The following TBC1D4 variants were observed in gnomAD, a reference collection of about 807,000 sequenced individuals.
The protein encoded by TBC1D4 is TBC (Tre-2, BUB2, CDC16) domain-containing protein.
In TBC1D4, 121 loss-of-function variants were observed where a neutral mutation model predicts 142.5. The ratio of observed to expected loss-of-function variants is 0.85; its 90% CI spans 0.73 to 0.99. TBC1D4 has a LOEUF of 0.99. Ranked by LOEUF, TBC1D4 falls within the 50% of genes least tolerant of loss-of-function variation. TBC1D4 has a pLI of 0.00. For synonymous variants in TBC1D4, 630 were observed against 628.2 expected (o/e 1.00, Z -0.04); for missense variants, 1,475 against 1,606.6 (o/e 0.92, Z 1.40).
intron 17 of TBC1D4, among the ~76,000 whole-genome samples, chr13:75,298,023 G>T (rs1037338503): frequency 1.3e-5 from 2 of 151,912 alleles, no homozygotes; most frequent in Non-Finnish European, 2.9e-5. Flanking sequence ...TTACTATAAC[G>T]CTCAGACTAA....
At chr13:75,327,953 T>C in intron 8 of TBC1D4, 127 bp from the exon 9 acceptor site, 1 of 923,078 alleles carries the variant, frequency 1.1e-6, no homozygotes, top group Non-Finnish European at 1.7e-6. Flanking sequence ...TCACTTAAAT[T>C]TGTTGGCTTT....
Position 75,377,335 on chromosome 13 carries a change from A to G in TBC1D4, c.499-14728T>C, listed in dbSNP as rs140193960. 3.3e-3 allele frequency: 501 copies of G among 152,322 alleles called. 1 individual carries two copies. The highest frequency in any genetic ancestry group is 0.011 in the African/African-American group (471 of 41,584). 9.4% of individuals were successfully genotyped at this position (152,322 alleles called of 1,614,324 possible). A position where few individuals can be genotyped will look rare whatever the true frequency, so the allele number is the denominator to read the frequency against. On this transcript the variant is annotated intron_variant, in intron 1 of 20. Transcript: ENST00000377636. ...TTGTGAGACTTTGTTCTCCAAAACC[A>G]TAGAACGAAGAGGTCTGATATACAA...
chr13:75,315,405 T>TATATATATATACACACAC (rs1566370386), intron 12 of TBC1D4, among the ~76,000 whole-genome samples: 1 of 16,584 alleles, frequency 6.0e-5, no homozygotes, highest in Non-Finnish European at 1.0e-3. Context: ...TATACACACA[T>TATATATATATACACACAC]ATATATATAT....
intron 1 of TBC1D4, among the ~76,000 whole-genome samples, chr13:75,445,159 C>A (rs1887222429): frequency 6.6e-6 from 1 of 152,176 alleles, no homozygotes; most frequent in Non-Finnish European, 1.5e-5. Flanking sequence ...ATCACGCAGA[C>A]ACCAGAGAAG....
intron 1 of TBC1D4, among the ~76,000 whole-genome samples, chr13:75,408,423 G>A (rs1472695580): frequency 6.6e-6 from 1 of 152,108 alleles, no homozygotes; most frequent in East Asian, 1.9e-4. Flanking sequence ...ATTCACATAC[G>A]AGGGTTATTT....
chr13:75,437,831 T>C (rs984875118), intron 1 of TBC1D4, among the ~76,000 whole-genome samples: 18 of 152,152 alleles, frequency 1.2e-4, no homozygotes, highest in African/African-American at 4.3e-4. Context: ...GTCACTGCTG[T>C]TCACTGTGAA....
chr13:75,305,534 A>G (rs1204960101), intron 15 of TBC1D4, among the ~76,000 whole-genome samples: 1 of 152,246 alleles, frequency 6.6e-6, no homozygotes, highest in Non-Finnish European at 1.5e-5. Flanking sequence ...AAGTTTGTCA[A>G]TGCAGCAGCT....
chr13:75,387,749 T>A (rs1593827842), intron 1 of TBC1D4, among the ~76,000 whole-genome samples: 2 of 152,220 alleles, frequency 1.3e-5, no homozygotes, highest in South Asian at 2.1e-4. Context: ...CACCCAAGAC[T>A]GAAGAAGCAC....
intron 1 of TBC1D4, among the ~76,000 whole-genome samples, chr13:75,476,290 C>T (rs568508462): frequency 7.9e-5 from 12 of 152,176 alleles, no homozygotes; most frequent in Non-Finnish European, 1.8e-4. Context: ...TGTTTCTATA[C>T]ACCTTATACA....
At chr13:75,419,209 T>C (rs145595325) in intron 1 of TBC1D4, among the ~76,000 whole-genome samples, 274 of 152,336 alleles carry the variant, frequency 1.8e-3, no homozygotes, top group African/African-American at 6.3e-3. Flanking sequence ...TAAGAAAGTT[T>C]TGCTGGAGGT....
At chr13:75,433,799 A>G (rs533772930) in intron 1 of TBC1D4, among the ~76,000 whole-genome samples, 4 of 152,356 alleles carry the variant, frequency 2.6e-5, no homozygotes, top group Admixed American at 2.0e-4. Flanking sequence ...AGTGTCTATA[A>G]GAAACTTAAA....
intron 1 of TBC1D4, among the ~76,000 whole-genome samples, chr13:75,448,436 G>A (rs1182404386): frequency 2.6e-5 from 4 of 151,838 alleles, no homozygotes; most frequent in African/African-American, 4.8e-5. Context: ...AGACGTGGTG[G>A]CGCATCCTGT....
chr13:75,426,998 A>AT (rs1440591933), intron 1 of TBC1D4, among the ~76,000 whole-genome samples: 1 of 152,122 alleles, frequency 6.6e-6, no homozygotes, highest in Non-Finnish European at 1.5e-5. Flanking sequence ...GCAGTCAGCT[A>AT]TGATTGTGCC....
At chr13:75,444,219 G>A (rs892634349) in intron 1 of TBC1D4, among the ~76,000 whole-genome samples, 1 of 152,176 alleles carries the variant, frequency 6.6e-6, no homozygotes, top group Non-Finnish European at 1.5e-5. Context: ...GAACTCCTGA[G>A]CTCAAGAGAT....
chr13:75,309,986 T>A lies in TBC1D4; in HGVS notation c.2549A>T (p.Gln850Leu), dbSNP rs1245424549. Residue 850 changes from glutamine (Q) to leucine (L), a missense_variant, in exon 14 of 21, where the codon CAA (glutamine) becomes CTA (leucine). Gln to Leu is a moderately radical substitution (Grantham distance 113, BLOSUM62 -2). Transcript: ENST00000377636. ...RSLWRKAIHQQILLLRMEKEN... is the reference protein window; with the variant it reads ...RSLWRKAIHQLILLLRMEKEN... ...TTTTTCCATTCGAAGTAACAAGATT[T>A]GTTGGTGTATAGCTTTTCTCCACAA... The A allele has an allele frequency of 3.1e-6, 5 of 1,614,072 alleles. No homozygotes were observed. Among genetic ancestry groups the A allele is most frequent in the Non-Finnish European group, 4.2e-6 (5 of 1,180,014 alleles).
At chr13:75,378,175 C>T (rs1883627318) in intron 1 of TBC1D4, among the ~76,000 whole-genome samples, 1 of 152,022 alleles carries the variant, frequency 6.6e-6, no homozygotes, top group African/African-American at 2.4e-5. Flanking sequence ...GTAATAAACG[C>T]ACGTCAATAT....
In TBC1D4 at chr13:75,320,039, T is replaced by C; in HGVS notation, c.2199-2A>G. On this transcript the variant is annotated splice_acceptor_variant, in intron 11 of 20. Transcript: ENST00000377636. LOFTEE classifies it high-confidence loss of function. ...CTTGATTCTGAAGCAGTGTCTTGTC[T>C]GGTACAACAGGAAAACAAGGAATGG... 6.2e-7 allele frequency: 1 copy of C among 1,613,426 alleles called. No individual in the cohort carries two copies. Among genetic ancestry groups the C allele is most frequent in the Non-Finnish European group, 8.5e-7 (1 of 1,179,650 alleles).
intron 10 of TBC1D4, 91 bp downstream of exon 10, chr13:75,326,106 A>C: frequency 7.0e-7 from 1 of 1,429,478 alleles, no homozygotes; most frequent in East Asian, 2.4e-5. Flanking sequence ...AGTTGGCTAC[A>C]GCATAAATTC....
intron 4 of TBC1D4, among the ~76,000 whole-genome samples, chr13:75,355,128 G>A (rs1881936564): frequency 6.6e-6 from 1 of 152,158 alleles, no homozygotes; most frequent in Admixed American, 6.5e-5. Flanking sequence ...GTCCACACTG[G>A]GAATGTGGAA....
Sources: gnomAD v4.1 joint callset for allele counts (sites outside exome capture counted in the v4.1 genomes callset) on GRCh38, gnomAD v4.1.1 for gene constraint, MANE v1.5 for transcripts, NCBI Gene and HGNC (gene_info 2026-07-23, HGNC 2026-07-21) for gene names.